The following SP100 variants were observed in gnomAD, a reference collection of about 807,000 sequenced individuals.
The protein encoded by SP100 is nuclear autoantigen Sp-100.
Under a neutral mutation model 130.0 loss-of-function variants are expected in SP100, and 84 were observed. That is an observed-to-expected ratio of 0.65 (90% CI 0.54 to 0.77). The LOEUF (loss-of-function observed/expected upper bound fraction) is 0.77, where lower values mean the gene tolerates loss of function less well. SP100 is among the 30% of genes least tolerant of loss of function. The pLI is 0.00. For missense variants in SP100, 978 were observed against 1,052.2 expected (o/e 0.93, Z 0.97); for synonymous variants, 331 against 351.7 (o/e 0.94, Z 0.66).
chr2:230,531,701 G>A (rs1381660414), intron 24 of SP100, among the ~76,000 whole-genome samples: 1 of 151,988 alleles, frequency 6.6e-6, no homozygotes, highest in Non-Finnish European at 1.5e-5. Flanking sequence ...ATCTGCAATT[G>A]TGCATAGATA....
chr2:230,508,157 G>T, intron 23 of SP100, 126 bp downstream of exon 23: 1 of 1,470,888 alleles, frequency 6.8e-7, no homozygotes. Flanking sequence ...TGATGCTTTT[G>T]CAGTTGCTGC....
At chr2:230,435,796 TA>T (rs2063245592) in intron 2 of SP100, among the ~76,000 whole-genome samples, 1 of 152,132 alleles carries the variant, frequency 6.6e-6, no homozygotes, top group Non-Finnish European at 1.5e-5. Flanking sequence ...AGCTCCCACT[TA>T]TAAGTGAGAA....
chr2:230,514,366 A>G (rs1027618355), intron 24 of SP100, among the ~76,000 whole-genome samples: 2 of 152,210 alleles, frequency 1.3e-5, no homozygotes, highest in African/African-American at 4.8e-5. Flanking sequence ...ATGGGGGAAA[A>G]AAAACCTGTT....
In SP100 at chr2:230,506,586, G is replaced by A. The variant is rs567865427; in HGVS notation, c.2013+141G>A. On this transcript the variant is annotated intron_variant, in intron 22 of 28. Coordinates refer to ENST00000340126, the MANE Select transcript of SP100 (RefSeq NM_001080391.2). ...TCTCCATGCATATGTTATTACTAACGTTCTCACCTGAACATTACGTTGGCT... is the reference window on the plus strand; with the variant it reads ...TCTCCATGCATATGTTATTACTAACATTCTCACCTGAACATTACGTTGGCT... 1.8e-4 allele frequency: 131 copies of A among 743,292 alleles called. 1 individual carries two copies. The highest frequency in any genetic ancestry group is 2.7e-4 in the Admixed American group (10 of 36,712). 46.0% of individuals were successfully genotyped at this position (743,292 alleles called of 1,614,324 possible).
rs905279712 is a variant in SP100 at position 230,472,398 on chromosome 2, A to G, written c.1430-926A>G. The stretch of plus-strand genomic sequence containing the variant: ...AACCAAGATCGCACCACTGCACTCC[A>G]GCCTGGGCGATCGAGCAAGACTCCG... On this transcript the variant is annotated intron_variant, in intron 15 of 28. Transcript: ENST00000340126. Among the ~76,000 whole-genome samples, 9 of 140,806 alleles carry G rather than the reference A, an allele frequency of 6.4e-5. No individual in the cohort carries two copies. In the South Asian group the frequency reaches 6.8e-4, roughly 11 times the overall value. The allele number at this position is 140,806 out of a possible 152,430, so 92.4% of individuals were successfully genotyped here. A position where few individuals can be genotyped will look rare whatever the true frequency, so the allele number is the denominator to read the frequency against.
Position 230,542,043 on chromosome 2 carries a change from G to T in SP100, c.2547+8G>T, listed in dbSNP as rs1314012794. The stretch of plus-strand genomic sequence containing the variant: ...CACAAGGAATTTTACAGGGTGAGTG[G>T]CTCTCCCTGCTTCCTTTTCTCTTTC... On this transcript the variant is annotated splice_region_variant and intron_variant, in intron 28 of 28. Transcript: ENST00000340126. 1 of 1,612,356 alleles carries T rather than the reference G, an allele frequency of 6.2e-7. No individual in the cohort carries two copies. The highest frequency in any genetic ancestry group is 1.1e-5 in the South Asian group (1 of 90,912).
chr2:230,470,966 A>ATG (rs1575680895), intron 15 of SP100, among the ~76,000 whole-genome samples: 2 of 77,696 alleles, frequency 2.6e-5, no homozygotes, highest in African/African-American at 8.4e-5. Context: ...AAACACACAC[A>ATG]TATGTGTGTG....
chr2:230,494,347 T>C (rs2066547642), intron 17 of SP100, 69 bp from the exon 18 acceptor site: 1 of 1,168,038 alleles, frequency 8.6e-7, no homozygotes, highest in Admixed American at 1.8e-5. Flanking sequence ...TGTAAACTAT[T>C]GACATATAAA....
intron 11 of SP100, among the ~76,000 whole-genome samples, chr2:230,464,592 G>A (rs2064837878): frequency 6.7e-6 from 1 of 149,040 alleles, no homozygotes; most frequent in Admixed American, 6.7e-5. Flanking sequence ...ACTTTGTGCT[G>A]CTATTTAATT....
rs1475062454 is a variant in SP100 at position 230,540,911 on chromosome 2, CTA to C, written c.2248_2249del (p.Ile750SerfsTer15). Reference sequence around the variant, plus strand: ...AGTTGCATCTTCTGCAGGATAAAGACTATTCAGGAAAGATGCCCAGAAAGCCA... The same window carrying C: ...AGTTGCATCTTCTGCAGGATAAAGACTTCAGGAAAGATGCCCAGAAAGCCA... On this transcript the variant is annotated frameshift_variant, in exon 26 of 29. Transcript: ENST00000340126. LOFTEE classifies it high-confidence loss of function. 1.9e-6 allele frequency: 3 copies of C among 1,613,518 alleles called. No individual in the cohort carries two copies. In the South Asian group the frequency reaches 3.3e-5, roughly 18 times the overall value.
At chr2:230,495,294 C>G (rs1339049225) in intron 18 of SP100, among the ~76,000 whole-genome samples, 2 of 152,074 alleles carry the variant, frequency 1.3e-5, no homozygotes, top group South Asian at 4.1e-4. Flanking sequence ...CACATCAGAT[C>G]TAAGCCTGAG....
At chr2:230,484,253 A>T (rs1320909229) in intron 17 of SP100, among the ~76,000 whole-genome samples, 1 of 152,246 alleles carries the variant, frequency 6.6e-6, no homozygotes, top group Non-Finnish European at 1.5e-5. Context: ...AAGAGCATGC[A>T]TAGGTGACTC....
chr2:230,468,895 T>C, intron 13 of SP100, 148 bp from the exon 14 acceptor site: 1 of 500,408 alleles, frequency 2.0e-6, no homozygotes, highest in South Asian at 3.4e-5. Context: ...CTCCATTTGA[T>C]AGTAATCTCT....
At chr2:230,488,563 G>A (rs978075655) in intron 17 of SP100, among the ~76,000 whole-genome samples, 4 of 152,002 alleles carry the variant, frequency 2.6e-5, no homozygotes, top group East Asian at 1.9e-4. Context: ...ACAGGCACCC[G>A]CCACCATGCC....
At chr2:230,524,389 G>A (rs1165155875) in intron 24 of SP100, among the ~76,000 whole-genome samples, 1 of 149,198 alleles carries the variant, frequency 6.7e-6, no homozygotes, top group East Asian at 2.0e-4. Flanking sequence ...AAAAGAAAAG[G>A]AAAAAAAACG....
intron 21 of SP100, among the ~76,000 whole-genome samples, chr2:230,505,447 A>C (rs1484740210): frequency 6.6e-6 from 1 of 152,234 alleles, no homozygotes; most frequent in East Asian, 1.9e-4. Context: ...CCTGCATTCA[A>C]GTTTCAGCTA....
At chr2:230,454,891 C>G (rs2064191267) in intron 8 of SP100, among the ~76,000 whole-genome samples, 1 of 151,994 alleles carries the variant, frequency 6.6e-6, no homozygotes. Flanking sequence ...GTTGAAGTCC[C>G]CTAGTATTAT....
chr2:230,482,160 A>G (rs1356856847), intron 17 of SP100, among the ~76,000 whole-genome samples: 1 of 152,116 alleles, frequency 6.6e-6, no homozygotes, highest in African/African-American at 2.4e-5. Flanking sequence ...GGTCTGTTTT[A>G]TCATTTATAA....
At position 230,443,099 on chromosome 2, in the gene SP100, A is replaced by G; in HGVS notation, c.270A>G (p.Glu90=). The G allele has an allele frequency of 6.2e-7, 1 of 1,613,758 alleles. No homozygotes were observed. The highest frequency in any genetic ancestry group is 1.1e-5 in the South Asian group (1 of 91,070). ...DRDLITNKMF[E]DSQDSCRNLV... is the part of the protein sequence containing the mutation. Reference sequence around the variant, plus strand: ...ATCTCATCACAAATAAAATGTTTGAAGTAAGTAAAGTTTATTATGTCACAA... The same window carrying G: ...ATCTCATCACAAATAAAATGTTTGAGGTAAGTAAAGTTTATTATGTCACAA... The change falls in exon 3 of 29, where the codon GAA becomes GAG. Residue 90 remains glutamate, a splice_region_variant and synonymous_variant. Transcript: ENST00000340126.
Sources: gnomAD v4.1 joint callset for allele counts (sites outside exome capture counted in the v4.1 genomes callset) on GRCh38, gnomAD v4.1.1 for gene constraint, MANE v1.5 for transcripts, NCBI Gene and HGNC (gene_info 2026-07-23, HGNC 2026-07-21) for gene names.